The following PNLIPRP3 variants were observed in gnomAD, a reference collection of about 807,000 sequenced individuals.
PNLIPRP3 encodes pancreatic lipase-related protein 3.
A neutral mutation model predicts 52.8 loss-of-function variants in PNLIPRP3; 58 were observed. That is an observed-to-expected ratio of 1.10 (90% CI 0.89 to 1.37). PNLIPRP3 has a LOEUF of 1.37. Among genes scored for constraint, PNLIPRP3 ranks in the 40% most tolerant of loss-of-function variants. The pLI is 0.00. For missense variants in PNLIPRP3, 593 were observed against 561.6 expected, an observed-to-expected ratio of 1.06 and a Z score of -0.57; for synonymous variants, 192 against 185.0, an observed-to-expected ratio of 1.04 and a Z score of -0.31.
At chr10:116,475,294 G>A (rs1846445852) in intron 10 of PNLIPRP3, among the ~76,000 whole-genome samples, 2 of 152,304 alleles carry the variant, frequency 1.3e-5, no homozygotes, top group Non-Finnish European at 2.9e-5. Context: ...AGGGTGAAGG[G>A]TGGGAGGAGG....
chr10:116,442,397 C>A (rs1589977580), intron 2 of PNLIPRP3, among the ~76,000 whole-genome samples: 1 of 152,262 alleles, frequency 6.6e-6, no homozygotes, highest in African/African-American at 2.4e-5. Context: ...TTTTGGCATG[C>A]TTCTAGGCAT....
At chr10:116,452,586 G>C (rs1417568842) in intron 4 of PNLIPRP3, among the ~76,000 whole-genome samples, 1 of 152,188 alleles carries the variant, frequency 6.6e-6, no homozygotes, top group Non-Finnish European at 1.5e-5. Context: ...CAGGCCTAGG[G>C]TGCCACTGCC....
At chr10:116,450,437 C>T (rs1024810019) in intron 4 of PNLIPRP3, among the ~76,000 whole-genome samples, 4 of 151,830 alleles carry the variant, frequency 2.6e-5, no homozygotes, top group Non-Finnish European at 5.9e-5. Context: ...CTAAAGTTAG[C>T]AGAAGAAGGG....
In PNLIPRP3 at chr10:116,461,195, A is replaced by T. The variant is rs752389651; in HGVS notation, c.713A>T (p.His238Leu). ...LGVGTIDACG[H>L]LDFYPNGGKH... ...GTTGGAACCATTGATGCTTGTGGTC[A>T]TCTTGACTTTTACCCAAATGGAGGG... Residue 238 changes from histidine (H) to leucine (L), a missense_variant, in exon 7 of 12, where the codon CAT becomes CTT. His to Leu is a moderately conservative substitution (Grantham distance 99, BLOSUM62 -3). Transcript: ENST00000369230. The T allele has an allele frequency of 1.5e-5, 24 of 1,614,102 alleles. 1 individual carries two copies. In the East Asian group the frequency reaches 5.1e-4, roughly 34 times the overall value.
chr10:116,469,399 T>C, intron 9 of PNLIPRP3, 82 bp downstream of exon 9: 1 of 1,368,156 alleles, frequency 7.3e-7, no homozygotes. Context: ...GAGTGTCTAC[T>C]AAATAACTGG....
chr10:116,438,756 T>C (rs10885933), intron 2 of PNLIPRP3, among the ~76,000 whole-genome samples: 16,948 of 152,110 alleles, frequency 0.11, 1,257 homozygotes, highest in Admixed American at 0.24. Context: ...CCATATGTTA[T>C]ATGAGTTTGA....
chr10:116,434,155 G>T (rs1242272630), intron 1 of PNLIPRP3, among the ~76,000 whole-genome samples: 1 of 152,226 alleles, frequency 6.6e-6, no homozygotes, highest in African/African-American at 2.4e-5. Context: ...TGGTAAAGAA[G>T]TACTCTTTCT....
intron 4 of PNLIPRP3, among the ~76,000 whole-genome samples, chr10:116,447,455 T>C (rs1845969548): frequency 6.6e-6 from 1 of 152,106 alleles, no homozygotes; most frequent in Non-Finnish European, 1.5e-5. Context: ...AAGAAACAGA[T>C]TCATCTCCAG....
intron 4 of PNLIPRP3, among the ~76,000 whole-genome samples, chr10:116,446,744 C>T (rs1207021629): frequency 6.6e-6 from 1 of 152,158 alleles, no homozygotes; most frequent in Non-Finnish European, 1.5e-5. Flanking sequence ...GAGGCTCTTA[C>T]ATCCTGGGTA....
At chr10:116,452,578 G>C (rs1846054647) in intron 4 of PNLIPRP3, among the ~76,000 whole-genome samples, 2 of 152,178 alleles carry the variant, frequency 1.3e-5, no homozygotes, top group Non-Finnish European at 2.9e-5. Context: ...TCAGAACCCA[G>C]GCCTAGGGTG....
At chr10:116,431,218 A>G (rs1015616445) in intron 1 of PNLIPRP3, among the ~76,000 whole-genome samples, 15 of 152,126 alleles carry the variant, frequency 9.9e-5, no homozygotes, top group African/African-American at 2.7e-4. Flanking sequence ...TTGTTATAAT[A>G]GTCTCCTAAC....
intron 9 of PNLIPRP3, among the ~76,000 whole-genome samples, chr10:116,470,407 G>A (rs1354167554): frequency 6.6e-6 from 1 of 152,030 alleles, no homozygotes; most frequent in Non-Finnish European, 1.5e-5. Flanking sequence ...TGAAGAATGG[G>A]CAGAGAGAAG....
intron 1 of PNLIPRP3, among the ~76,000 whole-genome samples, chr10:116,433,916 G>C (rs1291732022): frequency 6.6e-6 from 1 of 152,188 alleles, no homozygotes; most frequent in Non-Finnish European, 1.5e-5. Flanking sequence ...TTACCATAAA[G>C]TAACCTAGCA....
intron 7 of PNLIPRP3, among the ~76,000 whole-genome samples, chr10:116,461,703 G>A (rs527301277): frequency 5.6e-4 from 86 of 152,228 alleles, no homozygotes; most frequent in Non-Finnish European, 8.7e-4. Flanking sequence ...AAGAGCTAAG[G>A]GGACAAAATA....
chr10:116,456,051 CTA>C (rs1846108987), intron 5 of PNLIPRP3, among the ~76,000 whole-genome samples: 1 of 152,144 alleles, frequency 6.6e-6, no homozygotes, highest in Admixed American at 6.5e-5. Flanking sequence ...GTAAGAGAAA[CTA>C]TGTGTTCCCT....
intron 5 of PNLIPRP3, among the ~76,000 whole-genome samples, chr10:116,460,021 C>G (rs372352066): frequency 1.6e-4 from 24 of 152,314 alleles, no homozygotes; most frequent in East Asian, 1.2e-3. Flanking sequence ...CCGCCTCGGC[C>G]TCCGAGGGTG....
chr10:116,445,808 A>G (rs1845940028), intron 4 of PNLIPRP3, among the ~76,000 whole-genome samples: 1 of 152,162 alleles, frequency 6.6e-6, no homozygotes, highest in African/African-American at 2.4e-5. Flanking sequence ...TTCAGGATTC[A>G]AGCTTAAAGA....
chr10:116,477,064 T>A, intron 11 of PNLIPRP3, 26 bp from the exon 12 acceptor site: 1 of 1,292,556 alleles, frequency 7.7e-7, no homozygotes, highest in Non-Finnish European at 1.1e-6. Flanking sequence ...TTAAAATTCC[T>A]TTTTTTTTTC....
chr10:116,477,164 A>G lies in PNLIPRP3; in HGVS notation c.*11A>G, dbSNP rs1458912257. ...CTGAAACCATGCTAATCTCAGATACAGTCTTGATGGATTTCTTTAGTAGGA... is the reference window on the plus strand; with the variant it reads ...CTGAAACCATGCTAATCTCAGATACGGTCTTGATGGATTTCTTTAGTAGGA... On this transcript the variant is annotated 3_prime_UTR_variant, in exon 12 of 12. Transcript: ENST00000369230. 4 of 1,572,116 alleles carry G rather than the reference A, an allele frequency of 2.5e-6. No homozygotes were observed. The highest frequency in any genetic ancestry group is 2.6e-6 in the Non-Finnish European group (3 of 1,147,738).
Sources: allele counts gnomAD v4.1 joint callset (sites outside exome capture counted in the v4.1 genomes callset), GRCh38; gene constraint gnomAD v4.1.1; transcripts MANE v1.5; gene names NCBI Gene and HGNC (gene_info 2026-07-23, HGNC 2026-07-21).